NLRC3: variants seen among roughly 807,000 people sequenced by gnomAD.
NLRC3 encodes NLR family CARD domain containing 3, also known as NLR family CARD domain-containing protein 3.
NLRC3 carries 87 observed loss-of-function variants against 91.6 expected under a neutral mutation model. The ratio of observed to expected loss-of-function variants is 0.95; its 90% CI spans 0.80 to 1.14. NLRC3 has a LOEUF of 1.14. Ranked by LOEUF, NLRC3 falls within the 50% of genes most tolerant of loss-of-function variation. The probability of loss-of-function intolerance (pLI) is 0.00; values close to 1 mark genes in which losing one functional copy is unlikely to be tolerated. For missense variants in NLRC3, 1,577 were observed against 1,418.6 expected, an observed-to-expected ratio of 1.11 and a Z score of -1.79; for synonymous variants, 694 against 625.3, an observed-to-expected ratio of 1.11 and a Z score of -1.64.
At chr16:3,557,088 C>CT in intron 7 of NLRC3, 94 bp from the exon 8 acceptor site, 1 of 839,952 alleles carries the variant, frequency 1.2e-6, no homozygotes, top group South Asian at 1.5e-5. Flanking sequence ...TCGTGATCCT[C>CT]TAAGGGAATG....
intron 17 of NLRC3, 28 bp downstream of exon 17, chr16:3,543,397 G>A: frequency 6.6e-7 from 1 of 1,507,266 alleles, no homozygotes; most frequent in Non-Finnish European, 9.2e-7. Flanking sequence ...TTGGGCTAAA[G>A]ACCATAGATG....
chr16:3,542,627 T>C (rs2038465326), intron 18 of NLRC3, 65 bp downstream of exon 18: 2 of 929,136 alleles, frequency 2.2e-6, no homozygotes, highest in Non-Finnish European at 1.7e-6. Context: ...TTTTATTCCA[T>C]CAGGGAGGAC....
At chr16:3,570,717 A>G (rs181107211) in intron 1 of NLRC3, among the ~76,000 whole-genome samples, 4 of 152,266 alleles carry the variant, frequency 2.6e-5, no homozygotes, top group Admixed American at 2.6e-4. Context: ...AGGCCAAGGA[A>G]ACAGCAAGTG....
chr16:3,563,704 C>G lies in NLRC3; in HGVS notation c.1233G>C (p.Lys411Asn), dbSNP rs2039728576. 6.2e-7 allele frequency: 1 copy of G among 1,613,524 alleles called. No homozygotes were observed. The highest frequency in any genetic ancestry group is 1.3e-5 in the African/African-American group (1 of 74,946). The change falls in exon 5 of 20, where the codon AAG (lysine) becomes AAC (asparagine). Residue 411 changes from lysine (K) to asparagine (N), a missense_variant. Coordinates refer to ENST00000359128, the MANE Select transcript of NLRC3 (RefSeq NM_178844.4). ...TGTCTTGCTCGTAAAACACGTATTT[C>G]TTCTTGAGCAGCCCATGGAAGGCCA... ...GRLAFHGLLK[K>N]KYVFYEQDMK... is the part of the protein sequence containing the mutation.
At chr16:3,565,091 G>T in intron 3 of NLRC3, 31 bp from the exon 4 acceptor site, 1 of 1,540,272 alleles carries the variant, frequency 6.5e-7, no homozygotes, top group Non-Finnish European at 8.9e-7. Flanking sequence ...CCTGCTGCCT[G>T]CCGTGCCCCC....
chr16:3,543,839 C>G (rs1050146508), intron 16 of NLRC3: 1 of 371,790 alleles, frequency 2.7e-6, no homozygotes, highest in Non-Finnish European at 5.0e-6. Flanking sequence ...ATCAAACACA[C>G]CTTCCTTGAC....
At chr16:3,558,818 G>T (rs910696015) in intron 6 of NLRC3, among the ~76,000 whole-genome samples, 1 of 152,046 alleles carries the variant, frequency 6.6e-6, no homozygotes, top group African/African-American at 2.4e-5. Context: ...CTGTCACCCA[G>T]GCTGGAGTGC....
intron 7 of NLRC3, among the ~76,000 whole-genome samples, chr16:3,557,209 C>G (rs1036125830): frequency 1.3e-5 from 2 of 152,270 alleles, no homozygotes; most frequent in African/African-American, 4.8e-5. Context: ...GAAAGCAGCA[C>G]CTGATGGACT....
At chr16:3,558,562 A>G (rs952189048) in intron 6 of NLRC3, among the ~76,000 whole-genome samples, 3 of 148,966 alleles carry the variant, frequency 2.0e-5, no homozygotes, top group Non-Finnish European at 4.4e-5. Context: ...TTTAAAATTA[A>G]CTTTAAAATT....
At chr16:3,550,819 G>A (rs373842096) in intron 10 of NLRC3, among the ~76,000 whole-genome samples, 1 of 152,192 alleles carries the variant, frequency 6.6e-6, no homozygotes, top group African/African-American at 2.4e-5. Flanking sequence ...GACAGTAAAT[G>A]TGAGCCCGAG....
At chr16:3,549,087 G>A in intron 13 of NLRC3, 55 bp downstream of exon 13, 1 of 1,333,226 alleles carries the variant, frequency 7.5e-7, no homozygotes, top group African/African-American at 1.5e-5. Flanking sequence ...CAGGCTCGGT[G>A]TGGGTGTGGT....
Position 3,563,767 on chromosome 16 carries a change from G to C in NLRC3, c.1170C>G (p.Ala390=), listed in dbSNP as rs766710768. ...GKASPRIEQV[A]HGGRKMVGTL... ...TCCCCACCATCTTGCGGCCACCATGGGCCACCTGCTCGATGCGAGGGCTTG... is the reference window on the plus strand; with the variant it reads ...TCCCCACCATCTTGCGGCCACCATGCGCCACCTGCTCGATGCGAGGGCTTG... Residue 390 remains alanine (A), a synonymous_variant, in exon 5 of 20, where the codon GCC becomes GCG. Coordinates refer to ENST00000359128, the MANE Select transcript of NLRC3 (RefSeq NM_178844.4). The C allele has an allele frequency of 3.2e-5, 51 of 1,613,150 alleles. 2 individuals carry two copies. The South Asian group carries it at 5.4e-4, about 17-fold the overall frequency.
chr16:3,560,692 G>A (rs529265944), intron 6 of NLRC3, among the ~76,000 whole-genome samples: 1 of 152,174 alleles, frequency 6.6e-6, no homozygotes, highest in East Asian at 2.0e-4. Context: ...CACCCAGACT[G>A]GAGTGCAGTG....
chr16:3,563,644 C>T lies in NLRC3; in HGVS notation c.1293G>A (p.Gln431=). Residue 431 remains glutamine, a synonymous_variant, in exon 5 of 20, where the codon CAG becomes CAA. Transcript: ENST00000359128. The part of the protein sequence containing the change: ...KAFGVDLALL[Q]GAPCSCFLQR... The stretch of plus-strand genomic sequence containing the variant: ...GCAGGAAGCAGCTGCACGGGGCGCC[C>T]TGCAGCAGAGCGAGGTCTACACCAA... 1 of 1,611,390 alleles carries T rather than the reference C, an allele frequency of 6.2e-7. No homozygotes were observed. Among genetic ancestry groups the T allele is most frequent in the Non-Finnish European group, 8.5e-7 (1 of 1,179,020 alleles).
rs1467090187 is a variant in NLRC3 at position 3,541,885 on chromosome 16, C to A, written c.3138G>T (p.Gly1046=). 1.9e-6 allele frequency: 3 copies of A among 1,611,990 alleles called. No individual in the cohort carries two copies. The highest frequency in any genetic ancestry group is 2.5e-6 in the Non-Finnish European group (3 of 1,178,786). Reference sequence around the variant, plus strand: ...TGATGGCCTCTGAGATCATCCTGGCCCCGGAGTCCCCAATGTGGTTTCCCT... The same window carrying A: ...TGATGGCCTCTGAGATCATCCTGGCACCGGAGTCCCCAATGTGGTTTCCCT... ...NLQGNHIGDS[G]ARMISEAIKT... is the part of the protein sequence containing the mutation. The change falls in exon 20 of 20, where the codon GGG becomes GGT. Residue 1046 remains glycine, a synonymous_variant. Transcript: ENST00000359128.
chr16:3,564,642 G>A lies in NLRC3; in HGVS notation c.295C>T (p.Leu99=), dbSNP rs775816952. Residue 99 remains leucine, a synonymous_variant, in exon 5 of 20, where the codon CTG becomes TTG. Coordinates refer to ENST00000359128, the MANE Select transcript of NLRC3 (RefSeq NM_178844.4). This position sits in a 1 kb window ranked among gnomAD's most constrained non-coding sequence, Gnocchi z 5.9. ...SLLLVEGLTD[L]QLREHDFTQV... is the part of the protein sequence containing the mutation. ...GTGAAGTCGTGTTCCCTCAGCTGCAGGTCCGTCAGGCCCTCCACCAGCAGG... is the reference window on the plus strand; with the variant it reads ...GTGAAGTCGTGTTCCCTCAGCTGCAAGTCCGTCAGGCCCTCCACCAGCAGG... The A allele has an allele frequency of 6.2e-7, 1 of 1,607,264 alleles. No homozygotes were observed. The highest frequency in any genetic ancestry group is 1.7e-5 in the Admixed American group (1 of 59,990).
rs1247038234 is a variant in NLRC3, at chr16:3,556,967, T to C, written c.2127A>G (p.Gln709=). The change falls in exon 8 of 20, where the codon CAA becomes CAG. Residue 709 remains glutamine, a synonymous_variant. Transcript: ENST00000359128. Reference sequence around the variant, plus strand: ...AAGCGTCTGCCAGCGCCTTGGCCCCTTGTGGTCCAATGGAGTTACCGCGGA... The same window carrying C: ...AAGCGTCTGCCAGCGCCTTGGCCCCCTGTGGTCCAATGGAGTTACCGCGGA... ...LDLRGNSIGP[Q]GAKALADALK... is the part of the protein sequence containing the mutation. 4 of 1,613,450 alleles carry C rather than the reference T, an allele frequency of 2.5e-6. No homozygotes were observed. In the Admixed American group the frequency reaches 6.7e-5, roughly 27 times the overall value.
At position 3,541,726 on chromosome 16, in the gene NLRC3, A is replaced by G. The variant is rs2038403146; in HGVS notation, c.*99T>C. 2 of 776,540 alleles carry G rather than the reference A, an allele frequency of 2.6e-6. No homozygotes were observed. The highest frequency in any genetic ancestry group is 2.2e-6 in the Non-Finnish European group (1 of 453,912). 48.1% of individuals were successfully genotyped at this position (776,540 alleles called of 1,614,324 possible). A position where few individuals can be genotyped will look rare whatever the true frequency, so the allele number is the denominator to read the frequency against. On this transcript the variant is annotated 3_prime_UTR_variant, in exon 20 of 20. Transcript: ENST00000359128. ...AGCCCGGCTCTCGTGCTGAGCAAGC[A>G]GCGTTCCCAGCTCCCAGACAGGCCC...
intron 1 of NLRC3, among the ~76,000 whole-genome samples, chr16:3,570,166 A>G (rs1317772811): frequency 2.7e-5 from 4 of 149,368 alleles, no homozygotes; most frequent in African/African-American, 9.8e-5. Flanking sequence ...GGTAGTTTAC[A>G]CTTTTTTTTT....
Sources: allele counts gnomAD v4.1 joint callset (sites outside exome capture counted in the v4.1 genomes callset), GRCh38; gene constraint gnomAD v4.1.1; non-coding constraint Gnocchi (gnomAD v3.1); transcripts MANE v1.5; gene names NCBI Gene and HGNC (gene_info 2026-07-23, HGNC 2026-07-21).